DTNA: variants seen among roughly 807,000 people sequenced by gnomAD.
DTNA encodes dystrophin-related protein 3.
DTNA carries 43 observed loss-of-function variants against 100.7 expected under a neutral mutation model. The observed-to-expected ratio is 0.43, with a 90% CI of 0.33 to 0.55. The LOEUF is 0.55. Ranked by LOEUF, DTNA falls within the 20% of genes least tolerant of loss-of-function variation. The pLI, the probability that DTNA is intolerant of heterozygous loss-of-function variation, is 0.04. For synonymous variants in DTNA, 349 were observed against 347.9 expected (o/e 1.00, Z -0.04); for missense variants, 798 against 953.9 (o/e 0.84, Z 2.15).
chr18:34,527,087 C>T (rs79091671), intron 1 of DTNA, among the ~76,000 whole-genome samples: 2,533 of 152,140 alleles, frequency 0.017, 60 homozygotes, highest in African/African-American at 0.049. Flanking sequence ...TGTTCTCTCT[C>T]TCTACAATTG....
intron 1 of DTNA, among the ~76,000 whole-genome samples, chr18:34,543,552 A>T (rs1019584403): frequency 2.6e-5 from 4 of 152,092 alleles, no homozygotes; most frequent in Non-Finnish European, 4.4e-5. Context: ...GTTAAACAGC[A>T]TGTCATCCAA....
At chr18:34,604,906 T>C (rs1299026893) in intron 1 of DTNA, among the ~76,000 whole-genome samples, 1 of 152,166 alleles carries the variant, frequency 6.6e-6, no homozygotes, top group African/African-American at 2.4e-5. Flanking sequence ...CCATAACTTA[T>C]TCTCAGAGAG....
chr18:34,664,734 T>A (rs1472598222), intron 1 of DTNA, among the ~76,000 whole-genome samples: 1 of 152,268 alleles, frequency 6.6e-6, no homozygotes, highest in South Asian at 2.1e-4. Context: ...GCTTGCCAAG[T>A]AGCTTTGGGT....
At chr18:34,854,686 A>C (rs2096532079) in intron 15 of DTNA, among the ~76,000 whole-genome samples, 1 of 152,194 alleles carries the variant, frequency 6.6e-6, no homozygotes, top group African/African-American at 2.4e-5. Context: ...TCCATCCCTT[A>C]GTCCCTTTTC....
chr18:34,586,326 A>T (rs1214892696), intron 1 of DTNA, among the ~76,000 whole-genome samples: 1 of 152,066 alleles, frequency 6.6e-6, no homozygotes, highest in Admixed American at 6.5e-5. Context: ...AGAGGGAGTA[A>T]TGCCTTTTTT....
At chr18:34,564,299 C>T (rs761109590) in intron 1 of DTNA, among the ~76,000 whole-genome samples, 2 of 152,110 alleles carry the variant, frequency 1.3e-5, no homozygotes, top group Non-Finnish European at 2.9e-5. Flanking sequence ...CGCGCCACTA[C>T]GTCCAGCTAC....
At chr18:34,505,166 A>G (rs913450024) in intron 1 of DTNA, among the ~76,000 whole-genome samples, 2 of 152,144 alleles carry the variant, frequency 1.3e-5, no homozygotes, top group African/African-American at 2.4e-5. Flanking sequence ...GGAATAATCT[A>G]TTACTTTGCT....
rs2096804191 is a variant in DTNA, at chr18:34,875,326, T to A, written c.1831T>A (p.Ser611Thr). The A allele has an allele frequency of 1.9e-6, 3 of 1,614,156 alleles. No homozygotes were observed. The highest frequency in any genetic ancestry group is 2.2e-5 in the South Asian group (2 of 91,082). ...PMPIRSASAC[S>T]TPTHTPQDSL... ...GCCCATCCGGTCAGCGTCAGCCTGCTCCACCCCGACGCACACGCCGCAGGA... is the reference window on the plus strand; with the variant it reads ...GCCCATCCGGTCAGCGTCAGCCTGCACCACCCCGACGCACACGCCGCAGGA... The change falls in exon 18 of 23, where the codon TCC (serine) becomes ACC (threonine). Residue 611 changes from serine to threonine, a missense_variant. This residue lies in a region of DTNA where 242 missense variants were observed against 238.2 expected (regional missense o/e 1.02). Transcript: ENST00000444659.
chr18:34,824,859 G>GA lies in DTNA; in HGVS notation c.1002-2728dup, dbSNP rs538374425. 3.8e-3 allele frequency among the ~76,000 whole-genome samples: 547 copies of GA among 142,162 alleles called. 1 individual carries two copies. Among genetic ancestry groups the GA allele is most frequent in the Non-Finnish European group, 6.4e-3 (420 of 66,056 alleles). 93.3% of individuals were successfully genotyped at this position (142,162 alleles called of 152,430 possible). On this transcript the variant is annotated intron_variant, in intron 9 of 22. Coordinates refer to ENST00000444659, the MANE Select transcript of DTNA (RefSeq NM_001386795.1). Reference sequence around the variant, plus strand: ...CCATACCTGGCCACAACTTAAATGTGAAAAAATGGCAAAAATATGGCACAG... The same window carrying GA: ...CCATACCTGGCCACAACTTAAATGTGAAAAAAATGGCAAAAATATGGCACAG...
At chr18:34,642,811 C>T (rs931932117) in intron 1 of DTNA, among the ~76,000 whole-genome samples, 4 of 152,150 alleles carry the variant, frequency 2.6e-5, no homozygotes, top group African/African-American at 7.2e-5. Context: ...TCCACCTCGA[C>T]CTCCCAAAGT....
intron 3 of DTNA, among the ~76,000 whole-genome samples, chr18:34,771,823 A>T (rs1172167297): frequency 6.6e-6 from 1 of 152,114 alleles, no homozygotes; most frequent in East Asian, 1.9e-4. Flanking sequence ...TACCCCATAA[A>T]CTCTTATAAG....
intron 11 of DTNA, among the ~76,000 whole-genome samples, chr18:34,833,175 G>T (rs1447409192): frequency 6.6e-6 from 1 of 151,924 alleles, no homozygotes; most frequent in East Asian, 1.9e-4. Context: ...CTTTGTCAAG[G>T]GCTAATATAG....
At chr18:34,551,525 T>G (rs566485714) in intron 1 of DTNA, among the ~76,000 whole-genome samples, 88 of 152,264 alleles carry the variant, frequency 5.8e-4, no homozygotes, top group African/African-American at 1.5e-3. Flanking sequence ...AAGTAGTTGC[T>G]TCTCCAGTGC....
chr18:34,495,944 ATTC>A (rs903550319), intron 1 of DTNA, among the ~76,000 whole-genome samples: 7 of 151,328 alleles, frequency 4.6e-5, no homozygotes, highest in African/African-American at 4.8e-5. Context: ...ATGTCTCTTA[ATTC>A]TTCATCTGTT....
In DTNA at chr18:34,890,339, C is replaced by A; in HGVS notation, c.*2605C>A. 6.5e-7 allele frequency: 1 copy of A among 1,536,072 alleles called. No individual in the cohort carries two copies. The highest frequency in any genetic ancestry group is 1.2e-5 in the South Asian group (1 of 84,064). On this transcript the variant is annotated 3_prime_UTR_variant, in exon 23 of 23. Transcript: ENST00000444659. The stretch of plus-strand genomic sequence containing the variant: ...TGAGACCAGACTCGAGCACCCCTGT[C>A]CTGTAAGCGAGACAAAATGGCGTGT...
At chr18:34,520,762 C>T (rs1369497070) in intron 1 of DTNA, among the ~76,000 whole-genome samples, 1 of 152,166 alleles carries the variant, frequency 6.6e-6, no homozygotes, top group Non-Finnish European at 1.5e-5. Flanking sequence ...GTTTTCATTG[C>T]TGTTCTCCTG....
At chr18:34,566,663 T>C (rs1348536537) in intron 1 of DTNA, among the ~76,000 whole-genome samples, 2 of 152,216 alleles carry the variant, frequency 1.3e-5, no homozygotes, top group East Asian at 3.9e-4. Flanking sequence ...GGACATCTTA[T>C]TATATTCACA....
In DTNA at chr18:34,790,479, G is replaced by GA. The variant is rs201050108; in HGVS notation, c.149-3550dup. Among the ~76,000 whole-genome samples, 331 of 132,232 alleles carry GA rather than the reference G, an allele frequency of 2.5e-3. 42 individuals are homozygous for GA. The highest frequency in any genetic ancestry group is 9.4e-3 in the African/African-American group (322 of 34,276). The allele number at this position is 132,232 out of a possible 152,430, so 86.7% of individuals were successfully genotyped here. ...GGGCTAGATGAAAAAAGAAAAGAAA[G>GA]AAAAAAAACTTCAATCCTTGTTTAG... On this transcript the variant is annotated intron_variant, in intron 3 of 22. Transcript: ENST00000444659.
At chr18:34,778,301 A>C (rs1447834131) in intron 3 of DTNA, among the ~76,000 whole-genome samples, 1 of 152,234 alleles carries the variant, frequency 6.6e-6, no homozygotes, top group Non-Finnish European at 1.5e-5. Context: ...TAATGTATTT[A>C]GGCAAAAGAC....
Sources: allele counts gnomAD v4.1 joint callset (sites outside exome capture counted in the v4.1 genomes callset), GRCh38; gene constraint gnomAD v4.1.1; regional missense constraint gnomAD v4.1.1; transcripts MANE v1.5; gene names NCBI Gene and HGNC (gene_info 2026-07-23, HGNC 2026-07-21).